SESTD1: variants seen among roughly 807,000 people sequenced by gnomAD.
SESTD1 encodes SEC14 and spectrin domain containing 1.
SESTD1 carries 43 observed loss-of-function variants against 101.7 expected under a neutral mutation model. That is an observed-to-expected ratio of 0.42 (90% CI 0.33 to 0.55). The LOEUF is 0.55. Ranked by LOEUF, SESTD1 falls within the 20% of genes least tolerant of loss-of-function variation. SESTD1 has a pLI of 0.07. For synonymous variants in SESTD1, 283 were observed against 286.8 expected (o/e 0.99, Z 0.13); for missense variants, 647 against 815.1 (o/e 0.79, Z 2.51).
At chr2:179,126,413 C>T (rs1388056488) in intron 10 of SESTD1, among the ~76,000 whole-genome samples, 2 of 152,124 alleles carry the variant, frequency 1.3e-5, no homozygotes, top group African/African-American at 2.4e-5. Context: ...CACAACAGCT[C>T]CTTTTAGCCT....
chr2:179,243,698 G>A (rs996203293), intron 1 of SESTD1, among the ~76,000 whole-genome samples: 1 of 150,594 alleles, frequency 6.6e-6, no homozygotes, highest in Non-Finnish European at 1.5e-5. Context: ...GTAAGTGGGA[G>A]CTAAACTACG....
intron 1 of SESTD1, among the ~76,000 whole-genome samples, chr2:179,204,711 C>A (rs1489275911): frequency 7.4e-6 from 1 of 135,154 alleles, no homozygotes; most frequent in Non-Finnish European, 1.6e-5. Context: ...CATGCTAAGG[C>A]ACCAGCACTT....
chr2:179,234,049 C>T (rs1045035531), intron 1 of SESTD1, among the ~76,000 whole-genome samples: 2 of 152,180 alleles, frequency 1.3e-5, no homozygotes, highest in Non-Finnish European at 2.9e-5. Context: ...TAGAGTAAAT[C>T]AGTTTGCCCT....
intron 1 of SESTD1, among the ~76,000 whole-genome samples, chr2:179,238,892 T>A (rs948643763): frequency 3.3e-5 from 5 of 152,160 alleles, no homozygotes; most frequent in African/African-American, 1.2e-4. Context: ...CGTTTTCTTA[T>A]CCCTAACTGC....
At chr2:179,171,993 T>C in intron 5 of SESTD1, 127 bp downstream of exon 5, 2 of 511,186 alleles carry the variant, frequency 3.9e-6, no homozygotes, top group Non-Finnish European at 7.1e-6. Flanking sequence ...TACTAATTAT[T>C]ACTTAGGCAC....
At chr2:179,220,475 T>C (rs531827437) in intron 1 of SESTD1, among the ~76,000 whole-genome samples, 17 of 152,166 alleles carry the variant, frequency 1.1e-4, no homozygotes, top group Non-Finnish European at 2.4e-4. Flanking sequence ...CCCCCAGCTT[T>C]AGAGTATCCC....
At chr2:179,203,596 TAA>T (rs1207777884) in intron 1 of SESTD1, among the ~76,000 whole-genome samples, 1 of 134,998 alleles carries the variant, frequency 7.4e-6, no homozygotes, top group Admixed American at 7.2e-5. Context: ...GTATCCTTTA[TAA>T]TAGTCCAGTA....
chr2:179,201,652 T>C (rs1436055492), intron 1 of SESTD1, among the ~76,000 whole-genome samples: 2 of 123,518 alleles, frequency 1.6e-5, no homozygotes, highest in Non-Finnish European at 3.4e-5. Context: ...AAATCATCAT[T>C]CTCAGTAAAC....
intron 1 of SESTD1, among the ~76,000 whole-genome samples, chr2:179,240,251 G>A (rs2047131549): frequency 6.6e-6 from 1 of 152,174 alleles, no homozygotes; most frequent in African/African-American, 2.4e-5. Context: ...AACAGACGAA[G>A]AAACTTAGAT....
chr2:179,206,454 T>C (rs1272086776), intron 1 of SESTD1, among the ~76,000 whole-genome samples: 1 of 135,562 alleles, frequency 7.4e-6, no homozygotes, highest in East Asian at 2.0e-4. Context: ...TAGGGAGCTG[T>C]GTGAAATATA....
intron 1 of SESTD1, among the ~76,000 whole-genome samples, chr2:179,221,841 G>A (rs2046819965): frequency 6.6e-6 from 1 of 151,694 alleles, no homozygotes; most frequent in Admixed American, 6.6e-5. Context: ...GATCCCTTGA[G>A]CCCAGGAGGT....
intron 1 of SESTD1, among the ~76,000 whole-genome samples, chr2:179,193,194 CTAAT>C (rs1559137972): frequency 6.6e-6 from 1 of 152,094 alleles, no homozygotes; most frequent in South Asian, 2.1e-4. Context: ...CAGATAATGG[CTAAT>C]TAAACAAGAC....
chr2:179,124,315 A>T, intron 11 of SESTD1, 49 bp downstream of exon 11: 1 of 1,545,564 alleles, frequency 6.5e-7, no homozygotes, highest in Non-Finnish European at 8.8e-7. Context: ...CGTGTAGGTA[A>T]GTGTTCAGAT....
chr2:179,158,494 A>G (rs1486325757), intron 5 of SESTD1, among the ~76,000 whole-genome samples: 2 of 152,190 alleles, frequency 1.3e-5, no homozygotes, highest in East Asian at 3.8e-4. Flanking sequence ...CATGTGAATA[A>G]TTCTCTTAAA....
chr2:179,224,472 C>A (rs1470542984), intron 1 of SESTD1, among the ~76,000 whole-genome samples: 1 of 152,158 alleles, frequency 6.6e-6, no homozygotes, highest in Non-Finnish European at 1.5e-5. Context: ...TGATTCTTGG[C>A]ACAAAGCTCA....
intron 1 of SESTD1, among the ~76,000 whole-genome samples, chr2:179,261,378 C>A (rs1434426422): frequency 1.3e-5 from 2 of 151,988 alleles, no homozygotes; most frequent in South Asian, 4.2e-4. Flanking sequence ...AGTCAGAAGA[C>A]CTGAGTTTAC....
At chr2:179,121,121 AGAAG>A (rs1203389045) in intron 13 of SESTD1, among the ~76,000 whole-genome samples, 1 of 152,110 alleles carries the variant, frequency 6.6e-6, no homozygotes, top group African/African-American at 2.4e-5. Flanking sequence ...TCTGTGATGC[AGAAG>A]GAAGCTTTCT....
In SESTD1 at chr2:179,218,035, C is replaced by T. The variant is rs548961685; in HGVS notation, c.-25-26169G>A. Among the ~76,000 whole-genome samples, 13 of 152,196 alleles carry T rather than the reference C, an allele frequency of 8.5e-5. No individual in the cohort carries two copies. The East Asian group carries it at 1.9e-3, about 23-fold the overall frequency. On this transcript the variant is annotated intron_variant, in intron 1 of 17. Transcript: ENST00000428443. ...TAGGAGAAATACCTAATGTAAATGA[C>T]GAGTTGATGGGTGCAGCAAACCAAT...
At chr2:179,196,323 C>T (rs574095387) in intron 1 of SESTD1, among the ~76,000 whole-genome samples, 212 of 152,338 alleles carry the variant, frequency 1.4e-3, no homozygotes, top group African/African-American at 4.7e-3. Context: ...CGGAGTCTCG[C>T]TGACTGCTAG....
Sources: allele counts gnomAD v4.1 joint callset (sites outside exome capture counted in the v4.1 genomes callset), GRCh38; gene constraint gnomAD v4.1.1; transcripts MANE v1.5; gene names NCBI Gene and HGNC (gene_info 2026-07-23, HGNC 2026-07-21).